ARHGAP39: variants seen among roughly 807,000 people sequenced by gnomAD.
The protein encoded by ARHGAP39 is rho GTPase-activating protein 39.
In ARHGAP39, 44 loss-of-function variants were observed where a neutral mutation model predicts 106.9. The observed-to-expected ratio is 0.41, with a 90% confidence interval of 0.32 to 0.53. The LOEUF (loss-of-function observed/expected upper bound fraction) is 0.53. Ranked by LOEUF, ARHGAP39 falls within the 20% of genes least tolerant of loss-of-function variation. ARHGAP39 has a pLI of 0.21. For synonymous variants in ARHGAP39, 768 were observed against 693.2 expected, an observed-to-expected ratio of 1.11 and a Z score of -1.69; for missense variants, 1,496 against 1,577.3, an observed-to-expected ratio of 0.95 and a Z score of 0.87.
At chr8:144,635,022 C>T (rs1821141129) in intron 1 of ARHGAP39, among the ~76,000 whole-genome samples, 1 of 152,272 alleles carries the variant, frequency 6.6e-6, no homozygotes, top group African/African-American at 2.4e-5. Flanking sequence ...TTCTCGAATC[C>T]CTAATCTAGG....
chr8:144,683,391 A>C (rs1822480908), intron 1 of ARHGAP39: 1 of 146,696 alleles, frequency 6.8e-6, no homozygotes, highest in Non-Finnish European at 1.5e-5. Flanking sequence ...TCTGTCACCC[A>C]GGCTGGAGTG....
rs1187004114 is a variant in ARHGAP39, at chr8:144,600,851, G to C, written c.80+4684C>G. Among the ~76,000 whole-genome samples, 5 of 151,120 alleles carry C rather than the reference G, an allele frequency of 3.3e-5. No homozygotes were observed. The East Asian group carries it at 5.9e-4, about 18-fold the overall frequency. On this transcript the variant is annotated intron_variant, in intron 2 of 11. Transcript: ENST00000377307. ...GAGGCGTGTGTGTGCTCGTGTACCT[G>C]TGTGTGTGCATGGAAGCGTGCGTGC...
intron 1 of ARHGAP39, chr8:144,605,964 A>G: frequency 3.1e-6 from 1 of 321,066 alleles, no homozygotes; most frequent in Non-Finnish European, 6.0e-6. Flanking sequence ...CACCAGCCCC[A>G]CTCCACGATG....
chr8:144,544,208 C>T (rs377441662), intron 6 of ARHGAP39, among the ~76,000 whole-genome samples: 1 of 152,216 alleles, frequency 6.6e-6, no homozygotes, highest in East Asian at 1.9e-4. Context: ...CCAAAATCTC[C>T]CCACAAACAG....
chr8:144,660,900 C>T lies in ARHGAP39; in HGVS notation c.-82+24786G>A, dbSNP rs374484282. On this transcript the variant is annotated intron_variant, in intron 1 of 11. Coordinates refer to ENST00000377307, the MANE Select transcript of ARHGAP39 (RefSeq NM_025251.3). ...TCGGGACGCTGAGGCAGGAGAATTG[C>T]TTGAACCTGGGAGGTGGAGGTTTGC... Among the ~76,000 whole-genome samples, 381 of 152,170 alleles carry T rather than the reference C, an allele frequency of 2.5e-3. 1 individual carries two copies. The highest frequency in any genetic ancestry group is 8.8e-3 in the African/African-American group (365 of 41,500).
chr8:144,530,712 C>A lies in ARHGAP39; in HGVS notation c.3140G>T (p.Arg1047Leu). 6.2e-7 allele frequency: 1 copy of A among 1,601,350 alleles called. No individual in the cohort carries two copies. The highest frequency in any genetic ancestry group is 8.5e-7 in the Non-Finnish European group (1 of 1,172,946). ...CGGGGAGGGAAGTACCTGCAGGAAG[C>A]GGATGAGGTAGCACAGCACCATGCG... ...INRMVLCYLI[R>L]FLQVFVQPAN... The change falls in exon 11 of 12, where the codon CGC (arginine) becomes CTC (leucine). Residue 1047 changes from arginine (R) to leucine (L), a missense_variant. Physicochemically the swap from Arg to Leu is moderately radical, Grantham distance 102 (BLOSUM62 -2). Coordinates refer to ENST00000377307, the MANE Select transcript of ARHGAP39 (RefSeq NM_025251.3).
intron 3 of ARHGAP39, among the ~76,000 whole-genome samples, chr8:144,578,166 G>C (rs58903703): frequency 0.089 from 13,570 of 152,270 alleles, 1,389 homozygotes; most frequent in African/African-American, 0.25. Flanking sequence ...GTGGTACTGG[G>C]ATATGGATCA....
At chr8:144,696,044 G>T in the ARHGAP39 span, among the ~76,000 whole-genome samples, 2 of 152,248 alleles carry the variant, frequency 1.3e-5, no homozygotes, top group African/African-American at 4.8e-5. Flanking sequence ...CTAAAAACAG[G>T]GTTAGTGAAA....
chr8:144,655,423 G>A (rs902151520), intron 1 of ARHGAP39, among the ~76,000 whole-genome samples: 2 of 152,102 alleles, frequency 1.3e-5, no homozygotes, highest in Non-Finnish European at 2.9e-5. Flanking sequence ...CTACAAAGAG[G>A]AGCAGCCCAA....
intron 3 of ARHGAP39, among the ~76,000 whole-genome samples, chr8:144,557,459 G>C (rs373991234): frequency 2.4e-4 from 35 of 148,482 alleles, no homozygotes; most frequent in South Asian, 8.6e-4. Flanking sequence ...AGAGGCAAAG[G>C]CTGAACCTTC....
At chr8:144,537,379 C>G (rs1816999881) in intron 7 of ARHGAP39, among the ~76,000 whole-genome samples, 1 of 152,090 alleles carries the variant, frequency 6.6e-6, no homozygotes, top group Admixed American at 6.5e-5. Context: ...CACCCCTCCA[C>G]CTGCAAACTT....
At chr8:144,567,894 A>G (rs551929997) in intron 3 of ARHGAP39, among the ~76,000 whole-genome samples, 1 of 151,948 alleles carries the variant, frequency 6.6e-6, no homozygotes, top group East Asian at 1.9e-4. Flanking sequence ...AATAAATATC[A>G]GCGCAGCCTG....
chr8:144,572,928 C>A (rs1259436767), intron 3 of ARHGAP39, among the ~76,000 whole-genome samples: 1 of 152,208 alleles, frequency 6.6e-6, no homozygotes, highest in Non-Finnish European at 1.5e-5. Context: ...GAGATACCAT[C>A]TCACACCAGT....
rs750031190 is a variant in ARHGAP39 at position 144,670,371 on chromosome 8, C to G, written c.-82+15315G>C. Among the ~76,000 whole-genome samples the G allele has an allele frequency of 1.4e-4, 21 of 152,208 alleles. No homozygotes were observed. The highest frequency in any genetic ancestry group is 2.8e-4 in the Non-Finnish European group (19 of 68,040). On this transcript the variant is annotated intron_variant, in intron 1 of 11. Coordinates refer to ENST00000377307, the MANE Select transcript of ARHGAP39 (RefSeq NM_025251.3). This position sits in a 1 kb window ranked among gnomAD's most constrained non-coding sequence, Gnocchi z 4.4. ...CCACACTGCTCCATCACCCTCCTCACCGGGCCATCGAGCCTCTGAATCCCA... is the reference window on the plus strand; with the variant it reads ...CCACACTGCTCCATCACCCTCCTCAGCGGGCCATCGAGCCTCTGAATCCCA...
At chr8:144,596,375 G>C (rs1408941767) in intron 2 of ARHGAP39, among the ~76,000 whole-genome samples, 1 of 152,108 alleles carries the variant, frequency 6.6e-6, no homozygotes, top group Non-Finnish European at 1.5e-5. Flanking sequence ...TGGGCAGAGG[G>C]GACGGCTGAG....
chr8:144,572,934 C>T (rs1422317324), intron 3 of ARHGAP39, among the ~76,000 whole-genome samples: 1 of 152,188 alleles, frequency 6.6e-6, no homozygotes, highest in Non-Finnish European at 1.5e-5. Context: ...CCATCTCACA[C>T]CAGTTAGAAT....
rs780829091 is a variant in ARHGAP39 at position 144,578,202 on chromosome 8, A to G, written c.512+2644T>C. On this transcript the variant is annotated intron_variant, in intron 3 of 11. Transcript: ENST00000377307. ...ATGCAAATCAATTGAGAGGCCAGAA[A>G]TGAACCCAAATCTATGACAGGTCAA... is the stretch of plus-strand genomic sequence containing the variant. Among the ~76,000 whole-genome samples the G allele has an allele frequency of 1.1e-4, 17 of 152,188 alleles. 1 individual carries two copies. The highest frequency in any genetic ancestry group is 5.2e-4 in the Admixed American group (8 of 15,274).
chr8:144,547,818 C>G lies in ARHGAP39; in HGVS notation c.1268G>C (p.Gly423Ala). ...GGGCTGCAAGGAGTACGAACCACCG[C>G]CGGGGTTGGGCGCGTACTTGTGCCG... ...GPRHKYAPNP[G>A]GGSYSLQPSP... Residue 423 changes from glycine to alanine, a missense_variant, in exon 5 of 12, where the codon GGC (glycine) becomes GCC (alanine). Transcript: ENST00000377307. The surrounding 1 kb of genome is among the most constrained non-coding windows in gnomAD (Gnocchi z 5.2). The G allele has an allele frequency of 6.3e-7, 1 of 1,591,966 alleles. No homozygotes were observed. The highest frequency in any genetic ancestry group is 8.5e-7 in the Non-Finnish European group (1 of 1,171,768).
At chr8:144,555,458 T>C in intron 4 of ARHGAP39, 102 bp downstream of exon 4, 1 of 1,014,100 alleles carries the variant, frequency 9.9e-7, no homozygotes, top group East Asian at 2.4e-5. Flanking sequence ...GGGTCTGTGG[T>C]GTTGCTGCTA....
Sources: allele counts gnomAD v4.1 joint callset (sites outside exome capture counted in the v4.1 genomes callset), GRCh38; gene constraint gnomAD v4.1.1; non-coding constraint Gnocchi (gnomAD v3.1); transcripts MANE v1.5; gene names NCBI Gene and HGNC (gene_info 2026-07-23, HGNC 2026-07-21).